Variants in LRCH1 observed in about 807,000 individuals in gnomAD.
LRCH1 encodes the protein leucine-rich repeat and calponin homology domain-containing protein 1.
A neutral mutation model predicts 94.9 loss-of-function variants in LRCH1; 23 were observed. The observed-to-expected ratio is 0.24, with a 90% CI of 0.17 to 0.34. The LOEUF (loss-of-function observed/expected upper bound fraction) is 0.34, where lower values mean the gene tolerates loss of function less well. Among genes scored for constraint, LRCH1 ranks in the 10% least tolerant of loss-of-function variants. LRCH1 has a pLI of 1.00. For synonymous variants in LRCH1, 364 were observed against 354.9 expected, an observed-to-expected ratio of 1.03 and a Z score of -0.29; for missense variants, 790 against 945.9, an observed-to-expected ratio of 0.84 and a Z score of 2.16.
intron 1 of LRCH1, among the ~76,000 whole-genome samples, chr13:46,573,866 A>AT (rs540821255): frequency 0.042 from 2,649 of 63,394 alleles, 252 homozygotes; most frequent in African/African-American, 0.13. Context: ...ATATATATAT[A>AT]TTTTTTTTTT....
At chr13:46,693,048 C>T (rs529461939) in intron 8 of LRCH1, among the ~76,000 whole-genome samples, 4 of 151,030 alleles carry the variant, frequency 2.6e-5, no homozygotes, top group South Asian at 2.1e-4. Context: ...CTTGGCTCAC[C>T]GCAACCTCCG....
intron 1 of LRCH1, among the ~76,000 whole-genome samples, chr13:46,577,264 T>G (rs2050314595): frequency 2.0e-5 from 3 of 152,170 alleles, no homozygotes; most frequent in Middle Eastern, 3.4e-3. Flanking sequence ...GCCTGGCTAA[T>G]TTTTGTATCT....
chr13:46,631,225 G>C (rs989797800), intron 1 of LRCH1, among the ~76,000 whole-genome samples: 44 of 152,252 alleles, frequency 2.9e-4, no homozygotes, highest in African/African-American at 1.0e-3. Flanking sequence ...TCCAAAAGTA[G>C]GTTCTCACTG....
chr13:46,585,982 A>C (rs936221372), intron 1 of LRCH1, among the ~76,000 whole-genome samples: 2 of 152,162 alleles, frequency 1.3e-5, no homozygotes, highest in African/African-American at 4.8e-5. Flanking sequence ...CCCAGTTCTC[A>C]GTCATGAGTA....
intron 4 of LRCH1, among the ~76,000 whole-genome samples, chr13:46,684,285 A>T (rs575092693): frequency 6.7e-6 from 1 of 150,120 alleles, no homozygotes; most frequent in East Asian, 1.9e-4. Flanking sequence ...TTGCAAAATT[A>T]TCATTTTCTC....
Position 46,728,902 on chromosome 13 carries a change from T to A in LRCH1, c.1925T>A (p.Met642Lys). 1 of 1,613,664 alleles carries A rather than the reference T, an allele frequency of 6.2e-7. No homozygotes were observed. The highest frequency in any genetic ancestry group is 2.2e-5 in the East Asian group (1 of 44,870). Residue 642 changes from methionine to lysine, a missense_variant, in exon 18 of 20, where the codon ATG becomes AAG. Met to Lys is a moderately conservative substitution (Grantham distance 95, BLOSUM62 -1). This residue lies in a region of LRCH1 where 460 missense variants were observed against 508.9 expected (regional missense o/e 0.90). Transcript: ENST00000389797. ...CACGAAGACCTGGGGGCAGCCCTCATGGATGGTGTCGTCCTCTGCCATCTG... is the reference window on the plus strand; with the variant it reads ...CACGAAGACCTGGGGGCAGCCCTCAAGGATGGTGTCGTCCTCTGCCATCTG... The part of the protein sequence containing the change: ...SLHEDLGAAL[M>K]DGVVLCHLVN...
At chr13:46,716,315 T>G (rs1358321956) in intron 16 of LRCH1, among the ~76,000 whole-genome samples, 1 of 152,200 alleles carries the variant, frequency 6.6e-6, no homozygotes, top group Non-Finnish European at 1.5e-5. Context: ...TGTGGGTATC[T>G]TTTAATTTTG....
At chr13:46,706,914 T>G (rs918196714) in intron 13 of LRCH1, among the ~76,000 whole-genome samples, 2 of 152,234 alleles carry the variant, frequency 1.3e-5, no homozygotes, top group African/African-American at 4.8e-5. Context: ...ACACAATTCT[T>G]TTGCTGAAAG....
At chr13:46,736,159 CATAT>C (rs926468402) in intron 19 of LRCH1, among the ~76,000 whole-genome samples, 2 of 52,092 alleles carry the variant, frequency 3.8e-5, no homozygotes, top group African/African-American at 1.2e-4. Flanking sequence ...TGTGTGTACA[CATAT>C]ATATCCTAAT....
chr13:46,648,225 A>G (rs2051247813), intron 1 of LRCH1, among the ~76,000 whole-genome samples: 1 of 152,144 alleles, frequency 6.6e-6, no homozygotes. Context: ...AATAGGGTTC[A>G]TGCTCCTATG....
At chr13:46,715,705 A>G (rs1386269114) in intron 16 of LRCH1, 41 bp downstream of exon 16, 1 of 1,186,106 alleles carries the variant, frequency 8.4e-7, no homozygotes, top group Non-Finnish European at 1.2e-6. Context: ...TCTCATTAAT[A>G]AGCCAATGCG....
intron 1 of LRCH1, among the ~76,000 whole-genome samples, chr13:46,612,686 T>C (rs1252506767): frequency 6.6e-6 from 1 of 152,202 alleles, no homozygotes; most frequent in Non-Finnish European, 1.5e-5. Flanking sequence ...TTGAATGAGT[T>C]TGTTTATGAG....
At chr13:46,553,833 C>A in intron 1 of LRCH1, 130 bp downstream of exon 1, 1 of 1,505,508 alleles carries the variant, frequency 6.6e-7, no homozygotes, top group Non-Finnish European at 8.9e-7. Context: ...CCCGTTGTCT[C>A]CCGAAGAAGG....
intron 1 of LRCH1, among the ~76,000 whole-genome samples, chr13:46,590,790 G>T (rs1344601130): frequency 6.6e-6 from 1 of 152,198 alleles, no homozygotes; most frequent in Non-Finnish European, 1.5e-5. Flanking sequence ...ATGGTGAATG[G>T]ATTCACCTTC....
At chr13:46,712,905 T>C (rs1396753809) in intron 15 of LRCH1, among the ~76,000 whole-genome samples, 1 of 152,170 alleles carries the variant, frequency 6.6e-6, no homozygotes, top group Non-Finnish European at 1.5e-5. Context: ...TAAAATAGCT[T>C]TGGCCCCAGT....
Position 46,705,277 on chromosome 13 carries a change from A to G in LRCH1, c.1500A>G (p.Ile500Met). 1 of 1,613,158 alleles carries G rather than the reference A, an allele frequency of 6.2e-7. No individual in the cohort carries two copies. The highest frequency in any genetic ancestry group is 8.5e-7 in the Non-Finnish European group (1 of 1,179,584). Residue 500 changes from isoleucine to methionine, a missense_variant, in exon 13 of 20, where the codon ATA becomes ATG. Ile to Met is a conservative substitution (Grantham distance 10, BLOSUM62 1). Transcript: ENST00000389797. ...ELQDSALNGQIQLETSPVCEV... is the reference protein window; with the variant it reads ...ELQDSALNGQMQLETSPVCEV... ...TTCCTTGTTCTCACAGTGGTCAAAT[A>G]CAGCTGGAGACATCTCCGGTGTGTG...
chr13:46,635,463 C>T (rs1228142633), intron 1 of LRCH1, among the ~76,000 whole-genome samples: 1 of 138,152 alleles, frequency 7.2e-6, no homozygotes, highest in Non-Finnish European at 1.5e-5. Flanking sequence ...CGGTCCCCTC[C>T]CACCTTTTTT....
chr13:46,716,379 A>G (rs1000139157), intron 16 of LRCH1, among the ~76,000 whole-genome samples: 1 of 152,212 alleles, frequency 6.6e-6, no homozygotes, highest in Non-Finnish European at 1.5e-5. Context: ...AGATCTGCAC[A>G]CCACCTATAT....
chr13:46,655,672 G>A (rs1192260313), intron 2 of LRCH1, among the ~76,000 whole-genome samples: 1 of 152,154 alleles, frequency 6.6e-6, no homozygotes, highest in South Asian at 2.1e-4. Context: ...TTGTTGATGA[G>A]CCTCATGAAG....
Sources: gnomAD v4.1 joint callset for allele counts (sites outside exome capture counted in the v4.1 genomes callset) on GRCh38, gnomAD v4.1.1 for gene constraint, gnomAD v4.1.1 regional missense constraint, MANE v1.5 for transcripts, NCBI Gene and HGNC (gene_info 2026-07-23, HGNC 2026-07-21) for gene names.